Variants in ARHGAP32 observed in about 807,000 individuals in gnomAD.
ARHGAP32 encodes Rho GTPase activating protein 32, also known as rho GTPase-activating protein 32.
In ARHGAP32, 51 loss-of-function variants were observed where a neutral mutation model predicts 186.5. The observed-to-expected ratio is 0.27, with a 90% CI of 0.22 to 0.35. The LOEUF (loss-of-function observed/expected upper bound fraction) is 0.35. ARHGAP32 is among the 10% of genes least tolerant of loss of function. The pLI is 1.00. For synonymous variants in ARHGAP32, 950 were observed against 964.3 expected, an observed-to-expected ratio of 0.99 and a Z score of 0.27; for missense variants, 2,186 against 2,623.5, an observed-to-expected ratio of 0.83 and a Z score of 3.64.
At chr11:129,242,919 G>GCA (rs1381429268) in intron 1 of ARHGAP32, among the ~76,000 whole-genome samples, 1 of 151,728 alleles carries the variant, frequency 6.6e-6, no homozygotes, top group South Asian at 2.1e-4. Flanking sequence ...TCTACTAACT[G>GCA]CACACACACA....
chr11:129,247,892 C>T (rs775294963), intron 1 of ARHGAP32, among the ~76,000 whole-genome samples: 2 of 152,108 alleles, frequency 1.3e-5, no homozygotes, highest in African/African-American at 2.4e-5. Context: ...TTTTCTTTTA[C>T]TCATTTATTC....
chr11:129,166,514 A>C (rs1417857094), intron 1 of ARHGAP32, among the ~76,000 whole-genome samples: 1 of 152,122 alleles, frequency 6.6e-6, no homozygotes, highest in African/African-American at 2.4e-5. Context: ...GCAGCCAGAG[A>C]ATTTTTTAAA....
At chr11:129,173,053 C>A (rs1591670673) in intron 1 of ARHGAP32, among the ~76,000 whole-genome samples, 2 of 146,240 alleles carry the variant, frequency 1.4e-5, no homozygotes, top group Non-Finnish European at 1.5e-5. Flanking sequence ...AACAAACAAA[C>A]AAACAAAAAA....
At chr11:129,125,591 T>G (rs1009839018) in intron 2 of ARHGAP32, among the ~76,000 whole-genome samples, 2 of 152,100 alleles carry the variant, frequency 1.3e-5, no homozygotes, top group African/African-American at 4.8e-5. Context: ...TAATGTGAGA[T>G]AAGCAGTTAA....
At chr11:129,243,064 C>T (rs1375161221) in intron 1 of ARHGAP32, among the ~76,000 whole-genome samples, 1 of 152,188 alleles carries the variant, frequency 6.6e-6, no homozygotes, top group Non-Finnish European at 1.5e-5. Context: ...TTCACTTCCA[C>T]ATTGCCAATT....
At chr11:129,194,960 T>C (rs1471027880), upstream of ARHGAP32, among the ~76,000 whole-genome samples, 2 of 106,736 alleles carry the variant, frequency 1.9e-5, no homozygotes, top group Non-Finnish European at 3.8e-5. Context: ...GGGGGGGGGG[T>C]TGTTTTGTTT....
At chr11:129,224,102 T>C (rs888273687) in intron 1 of ARHGAP32, among the ~76,000 whole-genome samples, 4 of 152,138 alleles carry the variant, frequency 2.6e-5, no homozygotes, top group Non-Finnish European at 5.9e-5. Flanking sequence ...GTCCATTAAC[T>C]GAGGTTTTGC....
chr11:129,261,888 C>A (rs528592646), intron 1 of ARHGAP32, among the ~76,000 whole-genome samples: 145 of 152,110 alleles, frequency 9.5e-4, no homozygotes, highest in African/African-American at 3.4e-3. Context: ...TATAGAAATC[C>A]CTTTGTTGCT....
chr11:129,027,221 C>A lies in ARHGAP32; in HGVS notation c.1045+13707G>T, dbSNP rs188391887. Among the ~76,000 whole-genome samples, 405 of 152,262 alleles carry A rather than the reference C, an allele frequency of 2.7e-3. 3 individuals are homozygous for A. Among genetic ancestry groups the A allele is most frequent in the Non-Finnish European group, 3.8e-3 (258 of 68,014 alleles). Reference sequence around the variant, plus strand: ...TCACTTCTCATCACTTACACAGCTACCATACTGGTCTAAGTCACCATCATC... The same window carrying A: ...TCACTTCTCATCACTTACACAGCTAACATACTGGTCTAAGTCACCATCATC... On this transcript the variant is annotated intron_variant, in intron 11 of 22. Coordinates refer to ENST00000682385, the MANE Select transcript of ARHGAP32 (RefSeq NM_001378024.1).
At position 129,123,594 on chromosome 11, in the gene ARHGAP32, G is replaced by A; in HGVS notation, c.360-64C>T. On this transcript the variant is annotated intron_variant, in intron 4 of 22. Transcript: ENST00000682385. This position sits in a 1 kb window ranked among gnomAD's most constrained non-coding sequence, Gnocchi z 4.6. ...ACAGTAAAAATTACTAAGTTTAAGG[G>A]AAAAATACAGTGGATTTAAGAGCTC... 1 of 1,434,780 alleles carries A rather than the reference G, an allele frequency of 7.0e-7. No homozygotes were observed. Among genetic ancestry groups the A allele is most frequent in the South Asian group, 1.2e-5 (1 of 83,512 alleles). 88.9% of individuals were successfully genotyped at this position (1,434,780 alleles called of 1,614,324 possible). A position where few individuals can be genotyped will look rare whatever the true frequency, so the allele number is the denominator to read the frequency against.
At chr11:129,094,525 G>A (rs1229429911) in intron 5 of ARHGAP32, among the ~76,000 whole-genome samples, 2 of 152,160 alleles carry the variant, frequency 1.3e-5, no homozygotes, top group Non-Finnish European at 2.9e-5. Flanking sequence ...AGAAAATTGG[G>A]AAGATTGGAC....
At chr11:129,115,237 A>T (rs1347944245) in intron 5 of ARHGAP32, among the ~76,000 whole-genome samples, 2 of 152,116 alleles carry the variant, frequency 1.3e-5, no homozygotes, top group African/African-American at 4.8e-5. Flanking sequence ...TACTACTTTA[A>T]AACTACTGAG....
At chr11:129,092,945 T>C (rs992981014) in intron 6 of ARHGAP32, among the ~76,000 whole-genome samples, 9 of 152,126 alleles carry the variant, frequency 5.9e-5, no homozygotes, top group African/African-American at 2.2e-4. Context: ...ATAAAAGAAC[T>C]ATACTAAGTG....
chr11:129,148,617 A>T (rs1259870181), intron 2 of ARHGAP32, among the ~76,000 whole-genome samples: 1 of 152,140 alleles, frequency 6.6e-6, no homozygotes, highest in Non-Finnish European at 1.5e-5. Context: ...AATTTCCTTG[A>T]GCAGAATCTG....
chr11:129,249,292 A>G (rs1312625048), intron 1 of ARHGAP32, among the ~76,000 whole-genome samples: 1 of 152,202 alleles, frequency 6.6e-6, no homozygotes, highest in Non-Finnish European at 1.5e-5. Flanking sequence ...TACATACAGT[A>G]TGTATTAAAA....
chr11:128,978,954 T>C (rs1401882031), intron 18 of ARHGAP32, 39 bp from the exon 19 acceptor site: 6 of 1,551,654 alleles, frequency 3.9e-6, no homozygotes, highest in South Asian at 2.4e-5. Context: ...AAGATAGCCA[T>C]GGGTCTGTCT....
intron 1 of ARHGAP32, among the ~76,000 whole-genome samples, chr11:129,255,139 G>A (rs565028320): frequency 6.6e-6 from 1 of 152,186 alleles, no homozygotes; most frequent in Non-Finnish European, 1.5e-5. Context: ...GTAACCAAAC[G>A]TGTCATAAAG....
intron 7 of ARHGAP32, among the ~76,000 whole-genome samples, chr11:129,065,857 T>C (rs1940670421): frequency 6.6e-6 from 1 of 152,114 alleles, no homozygotes; most frequent in South Asian, 2.1e-4. Context: ...ACTTTTTAAC[T>C]TTCCGTCCCT....
At chr11:129,167,439 T>C (rs539794777) in intron 1 of ARHGAP32, among the ~76,000 whole-genome samples, 91 of 152,234 alleles carry the variant, frequency 6.0e-4, no homozygotes, top group Non-Finnish European at 8.8e-4. Context: ...ATATTATTCA[T>C]AATAGCCAAA....
Sources: allele counts gnomAD v4.1 joint callset (sites outside exome capture counted in the v4.1 genomes callset), GRCh38; gene constraint gnomAD v4.1.1; non-coding constraint Gnocchi (gnomAD v3.1); transcripts MANE v1.5; gene names NCBI Gene and HGNC (gene_info 2026-07-23, HGNC 2026-07-21).